NPRL3: variants seen among roughly 807,000 people sequenced by gnomAD.
NPRL3 encodes the protein NPR3 like, GATOR1 complex subunit, also known as GATOR1 complex protein NPRL3.
In NPRL3, 23 loss-of-function variants were observed where a neutral mutation model predicts 57.2. The ratio of observed to expected loss-of-function variants is 0.40; its 90% CI spans 0.29 to 0.57. The LOEUF (loss-of-function observed/expected upper bound fraction) is 0.57, where lower values mean the gene tolerates loss of function less well. Among genes scored for constraint, NPRL3 ranks in the 20% least tolerant of loss-of-function variants. The pLI is 0.42. For synonymous variants in NPRL3, 333 were observed against 321.1 expected, an observed-to-expected ratio of 1.04 and a Z score of -0.39; for missense variants, 691 against 767.1, an observed-to-expected ratio of 0.90 and a Z score of 1.17.
intron 13 of NPRL3, among the ~76,000 whole-genome samples, chr16:87,347 G>A (rs752854283): frequency 6.6e-5 from 10 of 150,952 alleles, no homozygotes; most frequent in South Asian, 4.2e-4. Context: ...ATTCTCCTGC[G>A]TCAGCTTCCC....
intron 9 of NPRL3, among the ~76,000 whole-genome samples, chr16:95,337 A>G (rs1431191417): frequency 3.7e-5 from 2 of 54,758 alleles, no homozygotes; most frequent in Non-Finnish European, 9.8e-5. Context: ...ATATATATAT[A>G]TATATATATA....
intron 8 of NPRL3, among the ~76,000 whole-genome samples, chr16:98,565 G>C (rs1899131161): frequency 6.6e-6 from 1 of 152,232 alleles, no homozygotes; most frequent in African/African-American, 2.4e-5. Flanking sequence ...CAAACAGGCA[G>C]CTGGAGCCTC....
At position 123,393 on chromosome 16, in the gene NPRL3, G is replaced by A. The variant is rs1900363119; in HGVS notation, c.189-4138C>T. On this transcript the variant is annotated intron_variant, in intron 3 of 13. Coordinates refer to ENST00000611875, the MANE Select transcript of NPRL3 (RefSeq NM_001077350.3). ...CTGGGGCAGTGAGGTCCACGCCTGTGTGCCTCATCAGTCACTCTTCAACAT... is the reference window on the plus strand; with the variant it reads ...CTGGGGCAGTGAGGTCCACGCCTGTATGCCTCATCAGTCACTCTTCAACAT... The A allele has an allele frequency of 1.8e-5, 8 of 450,438 alleles. 1 individual carries two copies. The highest frequency in any genetic ancestry group is 1.3e-4 in the South Asian group (8 of 62,590). 27.9% of individuals were successfully genotyped at this position (450,438 alleles called of 1,614,324 possible).
At chr16:100,768 G>C (rs541513178) in intron 7 of NPRL3, among the ~76,000 whole-genome samples, 6 of 24,580 alleles carry the variant, frequency 2.4e-4, no homozygotes, top group Non-Finnish European at 3.6e-4. Context: ...AGCAGTTCGA[G>C]ACCAGCCTGG....
chr16:123,264 G>A lies in NPRL3; in HGVS notation c.189-4009C>T, dbSNP rs1305254756. ...ATGCCTGGTCCCAGAAGTCTCCCGG[G>A]TGCCAGCCAGCCATGCCTTGGCCTC... is the stretch of plus-strand genomic sequence containing the variant. On this transcript the variant is annotated intron_variant, in intron 3 of 13. Transcript: ENST00000611875. 2.0e-5 allele frequency among the ~76,000 whole-genome samples: 3 copies of A among 152,240 alleles called. No homozygotes were observed. The East Asian group carries it at 5.8e-4, about 29-fold the overall frequency.
intron 11 of NPRL3, chr16:90,152 G>A (rs531009250): frequency 2.1e-5 from 10 of 474,068 alleles, no homozygotes; most frequent in Admixed American, 4.6e-5. Flanking sequence ...ACCACACACC[G>A]GGGCCACCCA....
chr16:88,899 G>A lies in NPRL3; in HGVS notation c.1352-9C>T. ...CATGTCATCGCTGCTGGCTGTGGGG[G>A]ACATGGGTCAGGGTGACCAAGTGGA... On this transcript the variant is annotated splice_polypyrimidine_tract_variant and intron_variant, in intron 12 of 13. Transcript: ENST00000611875. 6.2e-7 allele frequency: 1 copy of A among 1,606,122 alleles called. No individual in the cohort carries two copies. Among genetic ancestry groups the A allele is most frequent in the Non-Finnish European group, 8.5e-7 (1 of 1,173,582 alleles).
chr16:100,238 A>T (rs1008954955), intron 8 of NPRL3, 134 bp downstream of exon 8: 1 of 910,136 alleles, frequency 1.1e-6, no homozygotes, highest in Non-Finnish European at 1.5e-6. Flanking sequence ...TAAACGGCAG[A>T]GCCCCACCTG....
chr16:93,166 G>T, intron 10 of NPRL3, 53 bp downstream of exon 10: 1 of 1,207,176 alleles, frequency 8.3e-7, no homozygotes, highest in Non-Finnish European at 1.2e-6. Flanking sequence ...GGCCCTGCCA[G>T]CCTCACCCCT....
At chr16:89,971 C>T in intron 11 of NPRL3, 69 bp from the exon 12 acceptor site, 1 of 1,436,744 alleles carries the variant, frequency 7.0e-7, no homozygotes. Flanking sequence ...ATCAGGGAGC[C>T]ATGGCCCTAG....
intron 6 of NPRL3, among the ~76,000 whole-genome samples, chr16:110,942 A>G (rs1899779251): frequency 6.6e-6 from 1 of 152,078 alleles, no homozygotes; most frequent in Non-Finnish European, 1.5e-5. Flanking sequence ...TTTTTCATAA[A>G]TTTCTAAAAA....
chr16:137,456 T>C (rs1343516349), intron 2 of NPRL3, among the ~76,000 whole-genome samples: 1 of 152,156 alleles, frequency 6.6e-6, no homozygotes, highest in Non-Finnish European at 1.5e-5. Flanking sequence ...GATCTGCATC[T>C]ATGCACAGGG....
intron 9 of NPRL3, among the ~76,000 whole-genome samples, chr16:96,183 C>A (rs972664439): frequency 6.6e-6 from 1 of 152,204 alleles, no homozygotes; most frequent in Admixed American, 6.5e-5. Context: ...ACTGTCCACA[C>A]AAACTCCTGC....
At chr16:123,805 G>A (rs1900386644) in intron 3 of NPRL3, among the ~76,000 whole-genome samples, 1 of 60,246 alleles carries the variant, frequency 1.7e-5, no homozygotes. Flanking sequence ...TGAGAAACAG[G>A]ATCACACACT....
In NPRL3 at chr16:89,706, G is replaced by A. The variant is rs376215928; in HGVS notation, c.1351+7C>T. On this transcript the variant is annotated splice_region_variant and intron_variant, in intron 12 of 13. Coordinates refer to ENST00000611875, the MANE Select transcript of NPRL3 (RefSeq NM_001077350.3). ...TGACTACCACAGCGGTGCCCTGGGG[G>A]TCCTACTTGGGGAGCCAAAGCTGAG... 96 of 1,559,516 alleles carry A rather than the reference G, an allele frequency of 6.2e-5. 1 individual carries two copies. In the African/African-American group the frequency reaches 1.1e-3, roughly 18 times the overall value.
rs758123622 is a variant in NPRL3 at position 89,901 on chromosome 16, G to T, written c.1163C>A (p.Thr388Asn). The T allele has an allele frequency of 3.2e-6, 5 of 1,545,792 alleles. No homozygotes were observed. The highest frequency in any genetic ancestry group is 4.4e-6 in the Non-Finnish European group (5 of 1,145,290). ...RNPLAPAVQE[T>N]QLIQMVVWML... ...CCACACCACCATCTGGATGAGCTGG[G>T]TCTGCGGGTGGCAGCAGGTGAGGCT... Residue 388 changes from threonine (T) to asparagine (N), a missense_variant and splice_region_variant, in exon 12 of 14, where the codon ACC becomes AAC. Coordinates refer to ENST00000611875, the MANE Select transcript of NPRL3 (RefSeq NM_001077350.3).
At chr16:117,914 G>A (rs1900115093) in intron 4 of NPRL3, among the ~76,000 whole-genome samples, 1 of 152,230 alleles carries the variant, frequency 6.6e-6, no homozygotes, top group Non-Finnish European at 1.5e-5. Context: ...ACTCTTCAAA[G>A]CCAACTACAA....
chr16:115,589 G>A (rs1300791208), intron 5 of NPRL3, among the ~76,000 whole-genome samples: 2 of 151,276 alleles, frequency 1.3e-5, no homozygotes, highest in African/African-American at 2.4e-5. Flanking sequence ...GGATTCAACC[G>A]ATTCTACTGC....
At chr16:136,891 A>C (rs951481181) in intron 2 of NPRL3, among the ~76,000 whole-genome samples, 1 of 151,876 alleles carries the variant, frequency 6.6e-6, no homozygotes, top group Non-Finnish European at 1.5e-5. Flanking sequence ...GTTTAAAAAT[A>C]ATTTTAAAAC....
Sources: gnomAD v4.1 joint callset for allele counts (sites outside exome capture counted in the v4.1 genomes callset) on GRCh38, gnomAD v4.1.1 for gene constraint, MANE v1.5 for transcripts, NCBI Gene and HGNC (gene_info 2026-07-23, HGNC 2026-07-21) for gene names.